The following CSMD1 variants were observed in gnomAD, a reference collection of about 807,000 sequenced individuals.
The protein encoded by CSMD1 is CUB and Sushi multiple domains 1, also known as CUB and sushi domain-containing protein 1.
CSMD1 carries 213 observed loss-of-function variants against 417.5 expected under a neutral mutation model. The ratio of observed to expected loss-of-function variants is 0.51; its 90% CI spans 0.46 to 0.57. The LOEUF (loss-of-function observed/expected upper bound fraction) is 0.57. CSMD1 is among the 20% of genes least tolerant of loss of function. The pLI is 0.00. For synonymous variants in CSMD1, 2,862 were observed against 1,736.8 expected (o/e 1.65, Z -16.11); for missense variants, 6,923 against 4,529.7 (o/e 1.53, Z -15.17).
At chr8:3,957,396 G>T (rs1430246758) in intron 5 of CSMD1, among the ~76,000 whole-genome samples, 11 of 152,160 alleles carry the variant, frequency 7.2e-5, no homozygotes, top group Admixed American at 7.2e-4. Flanking sequence ...ATATATGTCA[G>T]TCTGGGAGCA....
At chr8:4,379,161 G>A (rs952816411) in intron 3 of CSMD1, among the ~76,000 whole-genome samples, 2 of 152,140 alleles carry the variant, frequency 1.3e-5, no homozygotes, top group African/African-American at 4.8e-5. Context: ...TTGAGACACT[G>A]GAAATGGCTG....
At chr8:4,776,546 AATTCCAC>A (rs1796861268) in intron 1 of CSMD1, among the ~76,000 whole-genome samples, 1 of 152,128 alleles carries the variant, frequency 6.6e-6, no homozygotes, top group Non-Finnish European at 1.5e-5. Flanking sequence ...ATTTCTGTGA[AATTCCAC>A]TACGGGCTGC....
intron 1 of CSMD1, among the ~76,000 whole-genome samples, chr8:4,738,903 T>TTGTGTGTGTGTGTGTGTGTGTGTGTG (rs34836566): frequency 9.5e-5 from 14 of 147,394 alleles, no homozygotes; most frequent in South Asian, 2.1e-4. Context: ...TTCTGTGTGT[T>TTGTGTGTGTGTGTGTGTGTGTGTGTG]TGTGTGTGTG....
chr8:3,053,690 A>G (rs894333131), intron 49 of CSMD1, among the ~76,000 whole-genome samples: 1 of 152,166 alleles, frequency 6.6e-6, no homozygotes, highest in African/African-American at 2.4e-5. Flanking sequence ...TAAATTTGCT[A>G]TGTCTGATCC....
chr8:3,749,129 G>A (rs1390361427), intron 6 of CSMD1, among the ~76,000 whole-genome samples: 1 of 152,106 alleles, frequency 6.6e-6, no homozygotes, highest in Non-Finnish European at 1.5e-5. Context: ...TTATCTTGTA[G>A]ACACTGAAAA....
intron 3 of CSMD1, among the ~76,000 whole-genome samples, chr8:4,151,253 A>G (rs1479398519): frequency 6.6e-6 from 1 of 152,184 alleles, no homozygotes; most frequent in African/African-American, 2.4e-5. Context: ...TTGGAAAGCT[A>G]AAATATTCAG....
intron 1 of CSMD1, among the ~76,000 whole-genome samples, chr8:4,671,499 G>A (rs1166760538): frequency 2.6e-5 from 4 of 152,168 alleles, no homozygotes; most frequent in Non-Finnish European, 4.4e-5. Flanking sequence ...AATAATAGCA[G>A]TGATGTCGGC....
chr8:4,688,990 G>A (rs1806583630), intron 1 of CSMD1, among the ~76,000 whole-genome samples: 1 of 152,180 alleles, frequency 6.6e-6, no homozygotes, highest in East Asian at 1.9e-4. Context: ...ATTACCCAGA[G>A]GAAGTTATAG....
intron 7 of CSMD1, among the ~76,000 whole-genome samples, chr8:3,647,915 T>C (rs183470838): frequency 6.6e-6 from 1 of 152,388 alleles, no homozygotes; most frequent in African/African-American, 2.4e-5. Context: ...CAAATTACTC[T>C]GTTTGTTTTG....
chr8:4,854,133 T>G (rs1252530706), intron 1 of CSMD1, among the ~76,000 whole-genome samples: 1 of 152,152 alleles, frequency 6.6e-6, no homozygotes, highest in African/African-American at 2.4e-5. Flanking sequence ...AGAAGTGAGT[T>G]AAGATTTTGG....
chr8:3,169,808 C>A (rs916445350), intron 37 of CSMD1, among the ~76,000 whole-genome samples: 37 of 152,012 alleles, frequency 2.4e-4, no homozygotes, highest in Non-Finnish European at 5.9e-5. Flanking sequence ...ATTCCAAGTA[C>A]CCCCCACTTT....
intron 5 of CSMD1, among the ~76,000 whole-genome samples, chr8:3,826,933 T>A (rs999814253): frequency 6.6e-6 from 1 of 152,106 alleles, no homozygotes; most frequent in African/African-American, 2.4e-5. Flanking sequence ...ACTACAGGCA[T>A]GTGCCTAGCT....
At chr8:4,903,832 G>C (rs747485443) in intron 1 of CSMD1, among the ~76,000 whole-genome samples, 1 of 152,188 alleles carries the variant, frequency 6.6e-6, no homozygotes, top group Non-Finnish European at 1.5e-5. Flanking sequence ...AAATGGCCAA[G>C]AAGTACTTCC....
intron 2 of CSMD1, among the ~76,000 whole-genome samples, chr8:4,432,013 C>T (rs559546549): frequency 4.6e-5 from 7 of 152,032 alleles, no homozygotes; most frequent in Non-Finnish European, 8.8e-5. Context: ...AATGTATTCT[C>T]AAAAGGCCTG....
chr8:4,727,271 C>G (rs1461058697), intron 1 of CSMD1, among the ~76,000 whole-genome samples: 1 of 152,262 alleles, frequency 6.6e-6, no homozygotes, highest in South Asian at 2.1e-4. Flanking sequence ...CAGTTAATGT[C>G]TACCGGTGAA....
At chr8:3,731,608 C>T (rs1241643240) in intron 6 of CSMD1, among the ~76,000 whole-genome samples, 2 of 152,010 alleles carry the variant, frequency 1.3e-5, no homozygotes, top group African/African-American at 4.8e-5. Context: ...ACTTTACCAA[C>T]CAAGGCTAAA....
At chr8:4,156,727 G>T (rs55826316) in intron 3 of CSMD1, among the ~76,000 whole-genome samples, 2 of 151,918 alleles carry the variant, frequency 1.3e-5, no homozygotes, top group Non-Finnish European at 2.9e-5. Flanking sequence ...GTTTGCAGTG[G>T]GGCCAGTGAC....
At position 3,298,061 on chromosome 8, in the gene CSMD1, C is replaced by G. The variant is rs140366272; in HGVS notation, c.3950+9634G>C. ...AGGTACCACACCCCCAGTAGAATGG[C>G]TAAAATGAAAAAACAATCAATCCCA... is the stretch of plus-strand genomic sequence containing the variant. On this transcript the variant is annotated intron_variant, in intron 25 of 69. Coordinates refer to ENST00000635120, the MANE Select transcript of CSMD1 (RefSeq NM_033225.6). Among the ~76,000 whole-genome samples the G allele has an allele frequency of 2.7e-3, 417 of 152,214 alleles. 1 individual carries two copies. The highest frequency in any genetic ancestry group is 9.7e-3 in the African/African-American group (402 of 41,554).
chr8:3,987,458 T>C (rs1814419502), intron 5 of CSMD1, among the ~76,000 whole-genome samples: 1 of 152,216 alleles, frequency 6.6e-6, no homozygotes, highest in Non-Finnish European at 1.5e-5. Flanking sequence ...GACTTTTACT[T>C]TCATATTCAC....
Sources: gnomAD v4.1 joint callset for allele counts (sites outside exome capture counted in the v4.1 genomes callset) on GRCh38, gnomAD v4.1.1 for gene constraint, MANE v1.5 for transcripts, NCBI Gene and HGNC (gene_info 2026-07-23, HGNC 2026-07-21) for gene names.